Variants in ELAVL2 observed in about 807,000 individuals in gnomAD.
ELAVL2 encodes the protein ELAV like RNA binding protein 2.
In ELAVL2, 4 loss-of-function variants were observed where a neutral mutation model predicts 34.6. That is an observed-to-expected ratio of 0.12 (90% CI 0.06 to 0.26). ELAVL2 has a LOEUF of 0.26. Among genes scored for constraint, ELAVL2 ranks in the 10% least tolerant of loss-of-function variants. The pLI, the probability that ELAVL2 is intolerant of heterozygous loss-of-function variation, is 1.00. For synonymous variants in ELAVL2, 193 were observed against 154.8 expected, an observed-to-expected ratio of 1.25 and a Z score of -1.83; for missense variants, 432 against 442.8, an observed-to-expected ratio of 0.98 and a Z score of 0.22.
At chr9:23,750,523 C>T (rs1399327866) in intron 2 of ELAVL2, among the ~76,000 whole-genome samples, 1 of 152,082 alleles carries the variant, frequency 6.6e-6, no homozygotes, top group Non-Finnish European at 1.5e-5. Context: ...GAAGGTAGTA[C>T]ACTGTCTGCA....
upstream of ELAVL2, among the ~76,000 whole-genome samples, chr9:23,828,807 G>A (rs906400590): frequency 5.3e-5 from 8 of 152,056 alleles, no homozygotes; most frequent in Non-Finnish European, 8.8e-5. Flanking sequence ...ATGGATAGAT[G>A]TATTATAAGC....
intron 5 of ELAVL2, among the ~76,000 whole-genome samples, chr9:23,700,497 C>T (rs2036809975): frequency 6.6e-6 from 1 of 152,136 alleles, no homozygotes; most frequent in South Asian, 2.1e-4. Context: ...CTTCTTTGGG[C>T]TAAAGCCACG....
At chr9:23,781,885 C>T (rs1414382781) in intron 1 of ELAVL2, among the ~76,000 whole-genome samples, 2 of 152,028 alleles carry the variant, frequency 1.3e-5, no homozygotes, top group African/African-American at 2.4e-5. Flanking sequence ...GGGGTTTCAG[C>T]GTGTTAGTCA....
chr9:23,821,530 C>T (rs2064725382), intron 1 of ELAVL2: 1 of 152,316 alleles, frequency 6.6e-6, no homozygotes, highest in African/African-American at 2.4e-5. Flanking sequence ...GCGCACAGAC[C>T]TTAGCCTCGG....
intron 1 of ELAVL2, among the ~76,000 whole-genome samples, chr9:23,777,643 A>C (rs1255396902): frequency 6.6e-6 from 1 of 152,134 alleles, no homozygotes; most frequent in Non-Finnish European, 1.5e-5. Context: ...GGGGGGTATC[A>C]TGAGGTAGAA....
intron 2 of ELAVL2, among the ~76,000 whole-genome samples, chr9:23,738,465 T>C (rs1482571630): frequency 2.0e-5 from 3 of 152,198 alleles, no homozygotes; most frequent in Non-Finnish European, 4.4e-5. Flanking sequence ...GGTGAGATCC[T>C]ATTACTACAG....
chr9:23,795,453 G>A (rs1203644113), intron 1 of ELAVL2, among the ~76,000 whole-genome samples: 1 of 152,142 alleles, frequency 6.6e-6, no homozygotes, highest in Non-Finnish European at 1.5e-5. Context: ...TGTGACAGGA[G>A]AATCGCTTGA....
chr9:23,802,740 G>A (rs2061722343), intron 1 of ELAVL2, among the ~76,000 whole-genome samples: 1 of 152,150 alleles, frequency 6.6e-6, no homozygotes, highest in Admixed American at 6.5e-5. Context: ...TGTGACACTT[G>A]CTTCTGCATT....
chr9:23,730,253 A>G lies in ELAVL2; in HGVS notation c.333+769T>C, dbSNP rs564086977. ...TTAGATTAGCTCCCTCTCAAGAGAG[A>G]ATCTACATAAGAATTTCAAAGATTC... On this transcript the variant is annotated intron_variant, in intron 3 of 6. Coordinates refer to ENST00000397312, the MANE Select transcript of ELAVL2 (RefSeq NM_004432.5). Among the ~76,000 whole-genome samples the G allele has an allele frequency of 2.0e-5, 3 of 152,284 alleles. No homozygotes were observed. In the South Asian group the frequency reaches 6.2e-4, roughly 32 times the overall value.
chr9:23,801,219 A>G (rs1162014828), intron 1 of ELAVL2, among the ~76,000 whole-genome samples: 2 of 152,232 alleles, frequency 1.3e-5, no homozygotes, highest in East Asian at 3.8e-4. Context: ...AACAAAATAC[A>G]AAAACATTAC....
In ELAVL2 at chr9:23,693,574, G is replaced by A. The variant is rs565974073; in HGVS notation, c.714-88C>T. On this transcript the variant is annotated intron_variant, in intron 5 of 6. Transcript: ENST00000397312. ...TGGGCTCATTACTGCCATCTTCCGA[G>A]GGGATATCTGTACACTGATTATATG... The A allele has an allele frequency of 7.5e-6, 11 of 1,459,788 alleles. No individual in the cohort carries two copies. The Admixed American group carries it at 1.0e-4, about 13-fold the overall frequency. 90.4% of individuals were successfully genotyped at this position (1,459,788 alleles called of 1,614,324 possible).
upstream of ELAVL2, among the ~76,000 whole-genome samples, chr9:23,831,128 G>A (rs2065488261): frequency 6.6e-6 from 1 of 152,230 alleles, no homozygotes; most frequent in Admixed American, 6.5e-5. Flanking sequence ...CGGGACCTGG[G>A]AAGAAACGGT....
intron 2 of ELAVL2, among the ~76,000 whole-genome samples, chr9:23,736,457 A>T (rs2134895403): frequency 6.6e-6 from 1 of 152,268 alleles, no homozygotes; most frequent in East Asian, 1.9e-4. Context: ...AGCTAAGGAG[A>T]AAAAAGCAGC....
intron 1 of ELAVL2, among the ~76,000 whole-genome samples, chr9:23,773,109 A>G (rs1435007108): frequency 6.6e-6 from 1 of 152,130 alleles, no homozygotes; most frequent in Non-Finnish European, 1.5e-5. Flanking sequence ...TGCAAGTGTT[A>G]TTTTTATTCA....
At chr9:23,721,397 C>G (rs2043675915) in intron 3 of ELAVL2, among the ~76,000 whole-genome samples, 1 of 152,218 alleles carries the variant, frequency 6.6e-6, no homozygotes, top group African/African-American at 2.4e-5. Context: ...ACAACCAAAA[C>G]TAGAAACTGA....
rs1342699861 is a variant in ELAVL2 at position 23,690,892 on chromosome 9, CTTATT to C, written c.*1660_*1664del. ...AAATTTCTTTCATACATGGTAAAGACTTATTTTATTATTTCCCCAAATAGTGGTTT... is the reference window on the plus strand; with the variant it reads ...AAATTTCTTTCATACATGGTAAAGACTTATTATTTCCCCAAATAGTGGTTT... On this transcript the variant is annotated 3_prime_UTR_variant, in exon 7 of 7. Transcript: ENST00000397312. 5 of 152,392 alleles carry C rather than the reference CTTATT, an allele frequency of 3.3e-5. No homozygotes were observed. Among genetic ancestry groups the C allele is most frequent in the Non-Finnish European group, 7.4e-5 (5 of 67,954 alleles). The allele number at this position is 152,392 out of a possible 1,614,324, so 9.4% of individuals were successfully genotyped here. A position where few individuals can be genotyped will look rare whatever the true frequency, so the allele number is the denominator to read the frequency against.
chr9:23,780,631 T>TA lies in ELAVL2; in HGVS notation c.-15-18383dup, dbSNP rs199633437. On this transcript the variant is annotated intron_variant, in intron 1 of 6. Transcript: ENST00000397312. ...TCATTAATGGTCAAGGTTAAAGAAATAAGAGTATTTGGTCTAAACTCAAAT... is the reference window on the plus strand; with the variant it reads ...TCATTAATGGTCAAGGTTAAAGAAATAAAGAGTATTTGGTCTAAACTCAAAT... Among the ~76,000 whole-genome samples the TA allele has an allele frequency of 6.4e-3, 974 of 152,272 alleles. 3 individuals carry two copies. The highest frequency in any genetic ancestry group is 0.019 in the Admixed American group (298 of 15,302).
At position 23,762,010 on chromosome 9, in the gene ELAVL2, T is replaced by C; in HGVS notation, c.225A>G (p.Ile75Met). ...CATCTACATAAAACTGCTTACCTGTTATTTTGTCTCTTACAAGCTTACAGG... is the reference window on the plus strand; with the variant it reads ...CATCTACATAAAACTGCTTACCTGTCATTTTGTCTCTTACAAGCTTACAGG... ...IESCKLVRDK[I>M]TGQSLGYGFV... Residue 75 changes from isoleucine to methionine, a missense_variant, in exon 2 of 7, where the codon ATA becomes ATG. This residue lies in a region of ELAVL2 where 132 missense variants were observed against 118.3 expected (regional missense o/e 1.12). Transcript: ENST00000397312. 1.9e-6 allele frequency: 3 copies of C among 1,610,912 alleles called. No individual in the cohort carries two copies. Among genetic ancestry groups the C allele is most frequent in the South Asian group, 1.1e-5 (1 of 90,676 alleles).
At chr9:23,787,576 A>G (rs893135363) in intron 1 of ELAVL2, among the ~76,000 whole-genome samples, 5 of 152,016 alleles carry the variant, frequency 3.3e-5, no homozygotes, top group African/African-American at 1.2e-4. Context: ...AAAAAACAAA[A>G]AAAAAAGATT....
Sources: gnomAD v4.1 joint callset for allele counts (sites outside exome capture counted in the v4.1 genomes callset) on GRCh38, gnomAD v4.1.1 for gene constraint, gnomAD v4.1.1 regional missense constraint, MANE v1.5 for transcripts, NCBI Gene and HGNC (gene_info 2026-07-23, HGNC 2026-07-21) for gene names.